Variants in DACH2 observed in about 807,000 individuals in gnomAD.
The protein encoded by DACH2 is dachshund homolog 2.
In DACH2, 17 loss-of-function variants were observed where a neutral mutation model predicts 35.8. The observed-to-expected ratio is 0.48, with a 90% CI of 0.33 to 0.71. The LOEUF (loss-of-function observed/expected upper bound fraction) is 0.71. Ranked by LOEUF, DACH2 falls within the 30% of genes least tolerant of loss-of-function variation. DACH2 has a pLI of 0.02. For missense variants in DACH2, 469 were observed against 472.7 expected, an observed-to-expected ratio of 0.99 and a Z score of 0.07; for synonymous variants, 195 against 177.3, an observed-to-expected ratio of 1.10 and a Z score of -0.79.
intron 1 of DACH2, among the ~76,000 whole-genome samples, chrX:86,314,325 TGGGAA>T (rs2034855717): frequency 9.0e-6 from 1 of 110,902 alleles, no homozygotes; most frequent in Non-Finnish European, 1.9e-5. Flanking sequence ...GAGACCAGCC[TGGGAA>T]ATATAGCAAA....
chrX:86,318,718 C>T (rs1157026898), intron 1 of DACH2, among the ~76,000 whole-genome samples: 3 of 111,355 alleles, frequency 2.7e-5, no homozygotes, highest in Non-Finnish European at 5.7e-5. Flanking sequence ...ACCTCTCTTC[C>T]GGATGCTCCA....
chrX:86,187,912 A>G (rs916881648), intron 1 of DACH2, among the ~76,000 whole-genome samples: 1 of 112,082 alleles, frequency 8.9e-6, no homozygotes, highest in African/African-American at 3.2e-5. Flanking sequence ...AGGATAAAGG[A>G]AATAATAATG....
At chrX:86,606,119 T>C (rs1302502930) in intron 3 of DACH2, among the ~76,000 whole-genome samples, 1 of 111,208 alleles carries the variant, frequency 9.0e-6, no homozygotes, top group Non-Finnish European at 1.9e-5. Flanking sequence ...TATTGAATGG[T>C]AATCACGTCT....
chrX:86,425,654 G>A (rs1342193955), intron 2 of DACH2, among the ~76,000 whole-genome samples: 6 of 110,381 alleles, frequency 5.4e-5, no homozygotes, highest in African/African-American at 1.6e-4. Flanking sequence ...TTTTTGTACT[G>A]TTTTCTTCAT....
chrX:86,376,151 ATGTG>A (rs57467884), intron 1 of DACH2, among the ~76,000 whole-genome samples: 1,846 of 95,712 alleles, frequency 0.019, 21 homozygotes, highest in African/African-American at 0.036. Context: ...GTGTGTGTGT[ATGTG>A]TGTGTGTGTG....
intron 1 of DACH2, among the ~76,000 whole-genome samples, chrX:86,284,385 C>A (rs1156785682): frequency 9.0e-6 from 1 of 111,571 alleles, no homozygotes; most frequent in African/African-American, 3.3e-5. Context: ...TATGACTTAT[C>A]ACAATAATTG....
At chrX:86,640,547 A>G (rs1300566516) in intron 3 of DACH2, among the ~76,000 whole-genome samples, 1 of 110,474 alleles carries the variant, frequency 9.1e-6, no homozygotes, top group African/African-American at 3.3e-5. Context: ...AAGCAAAATA[A>G]CCCTTGGCCA....
intron 1 of DACH2, among the ~76,000 whole-genome samples, chrX:86,319,176 A>T (rs2034970634): frequency 8.9e-6 from 1 of 111,957 alleles, no homozygotes; most frequent in Non-Finnish European, 1.9e-5. Context: ...TACAGAAAAA[A>T]ATACCCTTCT....
At chrX:86,410,052 G>A (rs1361149646) in intron 2 of DACH2, among the ~76,000 whole-genome samples, 1 of 112,280 alleles carries the variant, frequency 8.9e-6, no homozygotes, top group Non-Finnish European at 1.9e-5. Flanking sequence ...ACTGTAGGCT[G>A]ATAACCTATA....
chrX:86,323,913 TA>T (rs1259984164), intron 1 of DACH2, among the ~76,000 whole-genome samples: 1 of 111,949 alleles, frequency 8.9e-6, no homozygotes, highest in Non-Finnish European at 1.9e-5. Context: ...GTTTTTAAAA[TA>T]GTTCTTTGAG....
chrX:86,804,365 G>A (rs946708543), intron 7 of DACH2, among the ~76,000 whole-genome samples: 12 of 111,415 alleles, frequency 1.1e-4, no homozygotes, highest in African/African-American at 3.3e-4. Context: ...GTGCTAGACC[G>A]TTCATGAGAA....
intron 3 of DACH2, among the ~76,000 whole-genome samples, chrX:86,606,062 T>C (rs1318843270): frequency 9.0e-6 from 1 of 111,324 alleles, no homozygotes; most frequent in East Asian, 2.8e-4. Flanking sequence ...TTTTGTTTCT[T>C]GGCAATGGTT....
chrX:86,633,582 A>T (rs907751385), intron 3 of DACH2, among the ~76,000 whole-genome samples: 1 of 111,924 alleles, frequency 8.9e-6, no homozygotes, highest in African/African-American at 3.3e-5. Context: ...ATCTAAAATG[A>T]AGGAATAATC....
At chrX:86,687,713 TA>T (rs924617711) in intron 4 of DACH2, among the ~76,000 whole-genome samples, 1 of 111,324 alleles carries the variant, frequency 9.0e-6, no homozygotes, top group African/African-American at 3.3e-5. Flanking sequence ...TATGCAGCCA[TA>T]AAAAGGGATG....
intron 5 of DACH2, among the ~76,000 whole-genome samples, chrX:86,708,439 G>T (rs923832721): frequency 9.0e-6 from 1 of 111,446 alleles, no homozygotes; most frequent in Non-Finnish European, 1.9e-5. Flanking sequence ...TAGTAAGGTT[G>T]CAGGATACAA....
intron 3 of DACH2, among the ~76,000 whole-genome samples, chrX:86,561,752 G>C (rs1193324131): frequency 6.1e-5 from 3 of 49,251 alleles, no homozygotes; most frequent in East Asian, 1.5e-3. Context: ...GACTGTGGTG[G>C]GGTCGGGGGA....
intron 4 of DACH2, among the ~76,000 whole-genome samples, chrX:86,686,988 G>A (rs1035273317): frequency 8.9e-6 from 1 of 112,141 alleles, no homozygotes; most frequent in Non-Finnish European, 1.9e-5. Flanking sequence ...CATTTACTTC[G>A]TGAAACATAT....
chrX:86,224,650 G>A (rs1294474342), intron 1 of DACH2, among the ~76,000 whole-genome samples: 1 of 111,197 alleles, frequency 9.0e-6, no homozygotes, highest in Non-Finnish European at 1.9e-5. Flanking sequence ...AAAACATAAA[G>A]AGGAAGAAAT....
chrX:86,445,566 C>CCAA (rs759867519), intron 2 of DACH2, among the ~76,000 whole-genome samples: 1 of 48,102 alleles, frequency 2.1e-5, no homozygotes, highest in African/African-American at 8.9e-5. Context: ...TCAGAGTGAA[C>CCAA]AAAAAAAAAA....
Sources: gnomAD v4.1 joint callset for allele counts (sites outside exome capture counted in the v4.1 genomes callset) on GRCh38, gnomAD v4.1.1 for gene constraint, MANE v1.5 for transcripts, NCBI Gene and HGNC (gene_info 2026-07-23, HGNC 2026-07-21) for gene names.